Variants in CCSER1 observed in about 807,000 individuals in gnomAD.
CCSER1 encodes the protein coiled-coil serine rich protein 1, also known as serine-rich coiled-coil domain-containing protein 1.
Under a neutral mutation model 82.0 loss-of-function variants are expected in CCSER1, and 41 were observed. The observed-to-expected ratio is 0.50, with a 90% confidence interval of 0.39 to 0.65. The LOEUF (loss-of-function observed/expected upper bound fraction) is 0.65. Among genes scored for constraint, CCSER1 ranks in the 30% least tolerant of loss-of-function variants. The pLI is 0.00. For synonymous variants in CCSER1, 414 were observed against 383.9 expected, an observed-to-expected ratio of 1.08 and a Z score of -0.92; for missense variants, 1,119 against 1,064.2, an observed-to-expected ratio of 1.05 and a Z score of -0.72.
intron 5 of CCSER1, among the ~76,000 whole-genome samples, chr4:90,616,100 T>C (rs1301972773): frequency 6.6e-6 from 1 of 152,250 alleles, no homozygotes; most frequent in Non-Finnish European, 1.5e-5. Flanking sequence ...TTAAGGCGTG[T>C]ACATTGTTTT....
chr4:90,331,773 A>G (rs979156491), intron 3 of CCSER1, among the ~76,000 whole-genome samples: 1 of 152,034 alleles, frequency 6.6e-6, no homozygotes, highest in African/African-American at 2.4e-5. Context: ...GTGGACTACC[A>G]TGAGCCAGAA....
chr4:91,418,744 G>T (rs892348329), intron 10 of CCSER1, among the ~76,000 whole-genome samples: 2 of 152,046 alleles, frequency 1.3e-5, no homozygotes, highest in South Asian at 2.1e-4. Flanking sequence ...TGATACTTTG[G>T]TATCAAGTAT....
chr4:91,220,424 T>C (rs1274105784), intron 10 of CCSER1, among the ~76,000 whole-genome samples: 1 of 152,224 alleles, frequency 6.6e-6, no homozygotes, highest in African/African-American at 2.4e-5. Flanking sequence ...TGACTTTTTA[T>C]GATTATGTGA....
intron 10 of CCSER1, among the ~76,000 whole-genome samples, chr4:91,586,379 G>A (rs994921345): frequency 1.3e-5 from 2 of 151,650 alleles, no homozygotes; most frequent in African/African-American, 2.4e-5. Context: ...TTCCTTAGGA[G>A]AGTGAAATGA....
At chr4:90,844,307 T>A (rs915390263) in intron 8 of CCSER1, among the ~76,000 whole-genome samples, 3 of 152,150 alleles carry the variant, frequency 2.0e-5, no homozygotes, top group Admixed American at 6.5e-5. Context: ...TGCTTTACTG[T>A]GCATGTTAAA....
At chr4:91,520,312 T>TC (rs1180164067) in intron 10 of CCSER1, among the ~76,000 whole-genome samples, 1 of 151,976 alleles carries the variant, frequency 6.6e-6, no homozygotes, top group Non-Finnish European at 1.5e-5. Context: ...TTTCTTTTTT[T>TC]TTTTTAATCA....
chr4:91,276,726 A>G (rs1581890308), intron 10 of CCSER1, among the ~76,000 whole-genome samples: 1 of 152,158 alleles, frequency 6.6e-6, no homozygotes. Flanking sequence ...GTTTTGTTCC[A>G]GTTCTTAGAG....
intron 7 of CCSER1, among the ~76,000 whole-genome samples, chr4:90,775,875 T>A (rs1378830086): frequency 6.6e-6 from 1 of 151,736 alleles, no homozygotes; most frequent in Non-Finnish European, 1.5e-5. Flanking sequence ...CTGAGGAAAA[T>A]GTCTCCCAAT....
At chr4:91,431,366 C>A (rs1754300927) in intron 10 of CCSER1, among the ~76,000 whole-genome samples, 1 of 152,324 alleles carries the variant, frequency 6.6e-6, no homozygotes, top group East Asian at 1.9e-4. Context: ...TTTTTCCCAG[C>A]TACCCAGTTA....
rs568421144 is a variant in CCSER1 at position 90,327,411 on chromosome 4, G to A, written c.1509+14364G>A. On this transcript the variant is annotated intron_variant, in intron 3 of 10. Transcript: ENST00000509176. ...CAGTATGTTTCTTCTGCTGTCTTGA[G>A]TTTCTTTCCCATCTCTTCATTGCTG... Among the ~76,000 whole-genome samples the A allele has an allele frequency of 1.9e-4, 29 of 152,250 alleles. No individual in the cohort carries two copies. The East Asian group carries it at 5.2e-3, about 27-fold the overall frequency.
At chr4:91,020,860 T>C (rs1561477167) in intron 9 of CCSER1, among the ~76,000 whole-genome samples, 1 of 152,176 alleles carries the variant, frequency 6.6e-6, no homozygotes. Flanking sequence ...TGGAAACTAA[T>C]ACTCAAAGAC....
chr4:90,704,087 G>A (rs1738772683), intron 6 of CCSER1, among the ~76,000 whole-genome samples: 1 of 152,136 alleles, frequency 6.6e-6, no homozygotes, highest in Non-Finnish European at 1.5e-5. Flanking sequence ...TTTACCATTT[G>A]GCATGTTTTT....
In CCSER1 at chr4:91,030,842, A is replaced by G. The variant is rs1740921151; in HGVS notation, c.2173-55108A>G. ...CTGTATAAATTAAATTTAAATTAAT[A>G]TTCCATTCTGAAAGTCTACTTTAGG... On this transcript the variant is annotated intron_variant, in intron 9 of 10. Coordinates refer to ENST00000509176, the MANE Select transcript of CCSER1 (RefSeq NM_001145065.2). Among the ~76,000 whole-genome samples, 3 of 152,008 alleles carry G rather than the reference A, an allele frequency of 2.0e-5. No individual in the cohort carries two copies. The South Asian group carries it at 6.2e-4, about 32-fold the overall frequency.
chr4:91,438,462 C>A (rs936422555), intron 10 of CCSER1, among the ~76,000 whole-genome samples: 12 of 151,930 alleles, frequency 7.9e-5, no homozygotes, highest in African/African-American at 2.4e-4. Context: ...GAAAGGACAT[C>A]CACACCAAAA....
At chr4:90,499,446 A>T (rs751033491) in intron 5 of CCSER1, among the ~76,000 whole-genome samples, 4 of 152,168 alleles carry the variant, frequency 2.6e-5, no homozygotes, top group Admixed American at 6.6e-5. Flanking sequence ...GTGCATGTGT[A>T]ATGAAATTTG....
rs1738655862 is a variant in CCSER1 at position 91,007,848 on chromosome 4, T to C, written c.2173-78102T>C. Among the ~76,000 whole-genome samples, 3 of 152,138 alleles carry C rather than the reference T, an allele frequency of 2.0e-5. No homozygotes were observed. The South Asian group carries it at 6.2e-4, about 31-fold the overall frequency. On this transcript the variant is annotated intron_variant, in intron 9 of 10. Transcript: ENST00000509176. ...AATGTTAACTTGGTTGTTTAAGCTC[T>C]TCCTGGATTTTTTGACATTGATGCT...
intron 8 of CCSER1, among the ~76,000 whole-genome samples, chr4:90,867,964 T>G (rs759751665): frequency 2.6e-5 from 4 of 152,100 alleles, no homozygotes; most frequent in Admixed American, 1.3e-4. Flanking sequence ...ACAATTAGAT[T>G]GCCTCCAAAT....
chr4:91,306,346 T>C (rs904310825), intron 10 of CCSER1, among the ~76,000 whole-genome samples: 1 of 152,046 alleles, frequency 6.6e-6, no homozygotes, highest in Non-Finnish European at 1.5e-5. Flanking sequence ...TTGTTTTGGT[T>C]TGCTTTGGCT....
In CCSER1 at chr4:90,205,375, C is replaced by T. The variant is rs578171557; in HGVS notation, c.-42+77544C>T. 2.6e-5 allele frequency among the ~76,000 whole-genome samples: 4 copies of T among 152,204 alleles called. No individual in the cohort carries two copies. The South Asian group carries it at 8.3e-4, about 32-fold the overall frequency. On this transcript the variant is annotated intron_variant, in intron 1 of 10. Coordinates refer to ENST00000509176, the MANE Select transcript of CCSER1 (RefSeq NM_001145065.2). ...ATTTTGAGATAGGTTCCCTCAATAC[C>T]TAGTTTATTGAGAGTTTTTAGCATG... is the stretch of plus-strand genomic sequence containing the variant.
Sources: gnomAD v4.1 joint callset for allele counts (sites outside exome capture counted in the v4.1 genomes callset) on GRCh38, gnomAD v4.1.1 for gene constraint, MANE v1.5 for transcripts, NCBI Gene and HGNC (gene_info 2026-07-23, HGNC 2026-07-21) for gene names.